MAD1L1: variants seen among roughly 807,000 people sequenced by gnomAD.
MAD1L1 encodes the protein mitotic spindle assembly checkpoint protein MAD1.
A neutral mutation model predicts 96.9 loss-of-function variants in MAD1L1; 95 were observed. The ratio of observed to expected loss-of-function variants is 0.98; its 90% CI spans 0.83 to 1.16. MAD1L1 has a LOEUF of 1.16. Among genes scored for constraint, MAD1L1 ranks in the 50% most tolerant of loss-of-function variants. The pLI is 0.00. For missense variants in MAD1L1, 1,007 were observed against 954.4 expected, an observed-to-expected ratio of 1.06 and a Z score of -0.73; for synonymous variants, 473 against 396.6, an observed-to-expected ratio of 1.19 and a Z score of -2.29.
At chr7:1,867,407 C>A (rs1784828716) in intron 18 of MAD1L1, among the ~76,000 whole-genome samples, 1 of 152,222 alleles carries the variant, frequency 6.6e-6, no homozygotes, top group East Asian at 1.9e-4. Flanking sequence ...GCAGCCTGAG[C>A]TCCAGGTCTG....
chr7:2,178,136 T>C (rs551481333), intron 10 of MAD1L1, among the ~76,000 whole-genome samples: 7 of 152,354 alleles, frequency 4.6e-5, no homozygotes, highest in East Asian at 1.9e-4. Flanking sequence ...GGGGAAGTCA[T>C]TGCCTTTTCT....
chr7:1,903,342 C>A (rs560146927), intron 17 of MAD1L1, among the ~76,000 whole-genome samples: 3 of 146,144 alleles, frequency 2.1e-5, no homozygotes, highest in Non-Finnish European at 4.5e-5. Flanking sequence ...GACACTCTTG[C>A]GGAACTCATG....
chr7:1,871,691 A>C (rs1398051997), intron 18 of MAD1L1, among the ~76,000 whole-genome samples: 1 of 134,600 alleles, frequency 7.4e-6, no homozygotes, highest in Admixed American at 7.5e-5. Flanking sequence ...TGAACCCAAC[A>C]TAACACCTGC....
chr7:1,902,210 G>A (rs545966289), intron 17 of MAD1L1, among the ~76,000 whole-genome samples: 1 of 152,286 alleles, frequency 6.6e-6, no homozygotes, highest in Admixed American at 6.5e-5. Flanking sequence ...GCTGTGAAGA[G>A]GACAGAATAA....
At chr7:1,947,630 C>A (rs374419160) in intron 16 of MAD1L1, among the ~76,000 whole-genome samples, 3,542 of 147,200 alleles carry the variant, frequency 0.024, 159 homozygotes, top group East Asian at 0.065. Context: ...TGGCCTTGCC[C>A]GCTTGGCCTT....
intron 10 of MAD1L1, among the ~76,000 whole-genome samples, chr7:2,151,505 C>T (rs989542330): frequency 6.6e-6 from 1 of 152,238 alleles, no homozygotes; most frequent in Non-Finnish European, 1.5e-5. Flanking sequence ...TCTCTCTCAC[C>T]AGAGGGCACA....
chr7:1,952,569 C>T (rs1057209318), intron 16 of MAD1L1, among the ~76,000 whole-genome samples: 7 of 66,446 alleles, frequency 1.1e-4, no homozygotes, highest in African/African-American at 2.2e-4. Context: ...CTTAGAGCAG[C>T]GCCTGGCACA....
intron 16 of MAD1L1, among the ~76,000 whole-genome samples, chr7:1,950,687 C>T (rs910612579): frequency 6.6e-6 from 1 of 152,358 alleles, no homozygotes; most frequent in East Asian, 1.9e-4. Flanking sequence ...CCTTCGCCAC[C>T]CTCTGCTGCC....
intron 17 of MAD1L1, among the ~76,000 whole-genome samples, chr7:1,927,632 T>C (rs1789166296): frequency 6.6e-6 from 1 of 151,982 alleles, no homozygotes; most frequent in African/African-American, 2.4e-5. Flanking sequence ...GACATCCATA[T>C]AAAAACAAAA....
chr7:1,863,247 G>A (rs1399203000), intron 18 of MAD1L1, among the ~76,000 whole-genome samples: 6 of 152,386 alleles, frequency 3.9e-5, no homozygotes, highest in African/African-American at 1.2e-4. Context: ...GGTGAATGCC[G>A]GGTGCGGCTC....
At chr7:1,898,444 G>C (rs1787033427) in intron 17 of MAD1L1, 54 bp from the exon 18 acceptor site, 1 of 1,542,110 alleles carries the variant, frequency 6.5e-7, no homozygotes, top group Non-Finnish European at 8.9e-7. Context: ...GGAGGGGTGG[G>C]GACCCGGGAG....
chr7:2,166,879 T>G (rs1327032204), intron 10 of MAD1L1, among the ~76,000 whole-genome samples: 1 of 152,208 alleles, frequency 6.6e-6, no homozygotes, highest in African/African-American at 2.4e-5. Flanking sequence ...CCCATGGGCC[T>G]GAGAAGCACC....
chr7:2,010,590 A>C (rs982779825), intron 13 of MAD1L1, among the ~76,000 whole-genome samples: 9 of 152,206 alleles, frequency 5.9e-5, no homozygotes, highest in African/African-American at 1.9e-4. Context: ...CAAGACGGCA[A>C]AACTTCACCA....
At chr7:2,007,606 G>A (rs529507531) in intron 13 of MAD1L1, among the ~76,000 whole-genome samples, 12 of 152,356 alleles carry the variant, frequency 7.9e-5, no homozygotes, top group East Asian at 7.7e-4. Flanking sequence ...CCCGGCAAGC[G>A]GAGGCTGCAG....
intron 10 of MAD1L1, among the ~76,000 whole-genome samples, chr7:2,171,668 C>T (rs965551995): frequency 1.3e-5 from 2 of 151,034 alleles, no homozygotes; most frequent in African/African-American, 2.4e-5. Context: ...AGATGGGACA[C>T]GTATAGTCAC....
chr7:2,088,225 C>T lies in MAD1L1; in HGVS notation c.1074-18887G>A, dbSNP rs1429858130. 1.3e-5 allele frequency among the ~76,000 whole-genome samples: 2 copies of T among 152,204 alleles called. No homozygotes were observed. The highest frequency in any genetic ancestry group is 2.9e-5 in the Non-Finnish European group (2 of 68,028). ...TTGGATCACACATCGCGCCTCTTCA[C>T]GCCTCCTCACACCCCTGCCTGAAAC... On this transcript the variant is annotated intron_variant, in intron 11 of 18. Coordinates refer to ENST00000265854, the MANE Select transcript of MAD1L1 (RefSeq NM_001013836.2). This position sits in a 1 kb window ranked among gnomAD's most constrained non-coding sequence, Gnocchi z 4.4.
At chr7:1,841,793 G>A (rs1783276580) in intron 18 of MAD1L1, among the ~76,000 whole-genome samples, 1 of 152,234 alleles carries the variant, frequency 6.6e-6, no homozygotes, top group South Asian at 2.1e-4. Context: ...CCCCACCTGT[G>A]AAATGGGGAG....
At chr7:2,067,364 C>G (rs998657487) in intron 12 of MAD1L1, among the ~76,000 whole-genome samples, 3 of 152,154 alleles carry the variant, frequency 2.0e-5, no homozygotes, top group African/African-American at 7.2e-5. Context: ...TGAGGGACAT[C>G]TGAGATCCCA....
intron 12 of MAD1L1, among the ~76,000 whole-genome samples, chr7:2,043,699 C>A (rs1218219021): frequency 1.3e-5 from 2 of 152,232 alleles, no homozygotes; most frequent in Non-Finnish European, 2.9e-5. Context: ...AACAGCCCTG[C>A]GGAGTGCCAG....
Sources: allele counts gnomAD v4.1 joint callset (sites outside exome capture counted in the v4.1 genomes callset), GRCh38; gene constraint gnomAD v4.1.1; non-coding constraint Gnocchi (gnomAD v3.1); transcripts MANE v1.5; gene names NCBI Gene and HGNC (gene_info 2026-07-23, HGNC 2026-07-21).